COPS7B: variants seen among roughly 807,000 people sequenced by gnomAD.
COPS7B encodes COP9 signalosome subunit 7B, also known as COP9 signalosome complex subunit 7b.
Under a neutral mutation model 33.4 loss-of-function variants are expected in COPS7B, and 9 were observed. The observed-to-expected ratio is 0.27, with a 90% CI of 0.16 to 0.47. COPS7B has a LOEUF of 0.47. Ranked by LOEUF, COPS7B falls within the 20% of genes least tolerant of loss-of-function variation. The probability of loss-of-function intolerance (pLI) is 0.99; values close to 1 mark genes in which losing one functional copy is unlikely to be tolerated. For missense variants in COPS7B, 242 were observed against 318.2 expected (o/e 0.76, Z 1.82); for synonymous variants, 119 against 126.3 (o/e 0.94, Z 0.39).
intron 5 of COPS7B, among the ~76,000 whole-genome samples, chr2:231,796,632 TCCAAACTCACGCTCAAAGTTTGA>T (rs1217115395): frequency 6.6e-6 from 1 of 152,256 alleles, no homozygotes; most frequent in Admixed American, 6.5e-5. Flanking sequence ...TCCTGCCCTT[TCCAAACTCACGCTCAAAGTTTGA>T]CCAAACTCAG....
rs374122300 is a variant in COPS7B at position 231,807,447 on chromosome 2, C to T, written c.637-40C>T. 6 of 1,572,982 alleles carry T rather than the reference C, an allele frequency of 3.8e-6. No individual in the cohort carries two copies. The African/African-American group carries it at 8.2e-5, about 21-fold the overall frequency. On this transcript the variant is annotated intron_variant, in intron 6 of 6. Transcript: ENST00000350033. ...TAGTGAGAGCAAGTTTTGGTGAGCA[C>T]ATACAGGCTGAGCACTCCAATTCTA... is the stretch of plus-strand genomic sequence containing the variant.
upstream of COPS7B, among the ~76,000 whole-genome samples, chr2:231,782,204 A>G (rs1012378017): frequency 2.0e-5 from 3 of 152,072 alleles, no homozygotes; most frequent in Non-Finnish European, 4.4e-5. Context: ...TGCAGTCTGG[A>G]CTCTTTGCAC....
At chr2:231,787,606 G>C (rs1254051200) in intron 1 of COPS7B, among the ~76,000 whole-genome samples, 3 of 151,070 alleles carry the variant, frequency 2.0e-5, no homozygotes, top group Non-Finnish European at 4.4e-5. Flanking sequence ...AGTCACGTTT[G>C]GTTAAAATGT....
At chr2:231,794,517 C>T (rs1215401325) in intron 4 of COPS7B, among the ~76,000 whole-genome samples, 166 bp downstream of exon 4, 1 of 152,172 alleles carries the variant, frequency 6.6e-6, no homozygotes, top group African/African-American at 2.4e-5. Context: ...ACTCCCCATT[C>T]CATACAGGAA....
At chr2:231,786,703 T>G (rs2049255750) in intron 1 of COPS7B, among the ~76,000 whole-genome samples, 165 bp downstream of exon 1, 1 of 152,132 alleles carries the variant, frequency 6.6e-6, no homozygotes, top group East Asian at 1.9e-4. Flanking sequence ...CGGCCCTGCT[T>G]GGAGCATACC....
intron 6 of COPS7B, among the ~76,000 whole-genome samples, chr2:231,805,812 T>A (rs1574683937): frequency 2.4e-5 from 2 of 81,954 alleles, no homozygotes; most frequent in Non-Finnish European, 5.7e-5. Flanking sequence ...CTGGCTAAAA[T>A]TTTTTTTTTT....
At chr2:231,806,585 ATTAC>A (rs2049901467) in intron 6 of COPS7B, among the ~76,000 whole-genome samples, 2 of 151,086 alleles carry the variant, frequency 1.3e-5, no homozygotes, top group Non-Finnish European at 2.9e-5. Context: ...TAAAAAAGCT[ATTAC>A]TTATTTGACT....
chr2:231,806,426 GC>G (rs1052526352), intron 6 of COPS7B, among the ~76,000 whole-genome samples: 3 of 151,866 alleles, frequency 2.0e-5, no homozygotes, highest in Non-Finnish European at 2.9e-5. Flanking sequence ...GGTGGCAAGC[GC>G]CTGTGGTCCA....
rs1480819299 is a variant in COPS7B, at chr2:231,802,500, AC to A, written c.636+3537del. ...GCATTTTTGCTAGCAGTGCAATCTT[AC>A]TTGAAAATTTCTGAGGTTCATGTTT... On this transcript the variant is annotated intron_variant, in intron 6 of 6. Transcript: ENST00000350033. Among the ~76,000 whole-genome samples, 8 of 152,330 alleles carry A rather than the reference AC, an allele frequency of 5.3e-5. No homozygotes were observed. In the East Asian group the frequency reaches 1.5e-3, roughly 29 times the overall value.
Position 231,808,135 on chromosome 2 carries a change from G to A in COPS7B, c.*490G>A, listed in dbSNP as rs1282251809. The A allele has an allele frequency of 3.9e-6, 1 of 255,636 alleles. No individual in the cohort carries two copies. Among genetic ancestry groups the A allele is most frequent in the Non-Finnish European group, 7.7e-6 (1 of 129,606 alleles). 15.8% of individuals were successfully genotyped at this position (255,636 alleles called of 1,614,324 possible). ...TTCTAGCCAGGCGTCAAGATGCGCTGCTTTCCCTCTCCTGCCTCATCCCTT... is the reference window on the plus strand; with the variant it reads ...TTCTAGCCAGGCGTCAAGATGCGCTACTTTCCCTCTCCTGCCTCATCCCTT... On this transcript the variant is annotated 3_prime_UTR_variant, in exon 7 of 7. Transcript: ENST00000350033.
chr2:231,796,618 C>G (rs1275948845), intron 5 of COPS7B, among the ~76,000 whole-genome samples: 1 of 152,200 alleles, frequency 6.6e-6, no homozygotes, highest in African/African-American at 2.4e-5. Context: ...CTGTGTGAGG[C>G]TAGTCCTGCC....
intron 6 of COPS7B, among the ~76,000 whole-genome samples, chr2:231,802,156 T>A (rs1415932744): frequency 1.3e-5 from 2 of 152,220 alleles, no homozygotes; most frequent in African/African-American, 4.8e-5. Context: ...ATTTACAAAG[T>A]AGGCTGTGTT....
upstream of COPS7B, among the ~76,000 whole-genome samples, chr2:231,784,455 C>T (rs1028594714): frequency 6.6e-6 from 1 of 151,920 alleles, no homozygotes; most frequent in African/African-American, 2.4e-5. Context: ...GCACTCCAGC[C>T]GCGGTGACAG....
At chr2:231,788,282 A>G (rs1002438375) in intron 1 of COPS7B, among the ~76,000 whole-genome samples, 1 of 151,968 alleles carries the variant, frequency 6.6e-6, no homozygotes. Context: ...GACTACAGGT[A>G]TCTGCCACCA....
At position 231,804,074 on chromosome 2, in the gene COPS7B, C is replaced by G. The variant is rs142318966; in HGVS notation, c.637-3413C>G. Among the ~76,000 whole-genome samples, 17 of 152,240 alleles carry G rather than the reference C, an allele frequency of 1.1e-4. 1 individual carries two copies. The highest frequency in any genetic ancestry group is 4.1e-4 in the African/African-American group (17 of 41,550). On this transcript the variant is annotated intron_variant, in intron 6 of 6. Coordinates refer to ENST00000350033, the MANE Select transcript of COPS7B (RefSeq NM_022730.4). ...AGAAATAAATGCCGGTTGTCACTTTCTGATAGGCTGATAATGACTTTATGC... is the reference window on the plus strand; with the variant it reads ...AGAAATAAATGCCGGTTGTCACTTTGTGATAGGCTGATAATGACTTTATGC...
chr2:231,790,517 C>T (rs1432086434), intron 2 of COPS7B: 1 of 152,152 alleles, frequency 6.6e-6, no homozygotes, highest in African/African-American at 2.4e-5. Context: ...ACCTTTATCT[C>T]CCCATACATT....
chr2:231,805,440 TA>T (rs1559377920), intron 6 of COPS7B, among the ~76,000 whole-genome samples: 270 of 123,668 alleles, frequency 2.2e-3, no homozygotes, highest in African/African-American at 8.0e-3. Context: ...TATTTTTTTT[TA>T]AATTTTATAT....
At chr2:231,794,173 T>C (rs754004083) in intron 3 of COPS7B, 90 bp from the exon 4 acceptor site, 10 of 914,384 alleles carry the variant, frequency 1.1e-5, no homozygotes, top group South Asian at 1.1e-4. Context: ...CAGTAGTAGA[T>C]TTGGTTTGGG....
At chr2:231,794,734 C>A (rs988143109) in intron 4 of COPS7B, among the ~76,000 whole-genome samples, 1 of 152,146 alleles carries the variant, frequency 6.6e-6, no homozygotes, top group South Asian at 2.1e-4. Flanking sequence ...GAAAAACTTG[C>A]TATGTCGGAC....
Sources: gnomAD v4.1 joint callset for allele counts (sites outside exome capture counted in the v4.1 genomes callset) on GRCh38, gnomAD v4.1.1 for gene constraint, MANE v1.5 for transcripts, NCBI Gene and HGNC (gene_info 2026-07-23, HGNC 2026-07-21) for gene names.